GDE1: variants seen among roughly 807,000 people sequenced by gnomAD.
GDE1 encodes the protein glycerophosphodiester phosphodiesterase 1.
A neutral mutation model predicts 32.2 loss-of-function variants in GDE1; 24 were observed. The ratio of observed to expected loss-of-function variants is 0.75; its 90% CI spans 0.54 to 1.05. The LOEUF (loss-of-function observed/expected upper bound fraction) is 1.05. Ranked by LOEUF, GDE1 falls within the 50% of genes least tolerant of loss-of-function variation. The probability of loss-of-function intolerance (pLI) is 0.00; values close to 1 mark genes in which losing one functional copy is unlikely to be tolerated. For missense variants in GDE1, 380 were observed against 415.0 expected, an observed-to-expected ratio of 0.92 and a Z score of 0.73; for synonymous variants, 159 against 158.6, an observed-to-expected ratio of 1.00 and a Z score of -0.02.
Position 19,522,063 on chromosome 16 carries a change from A to G in GDE1, c.-99T>C, listed in dbSNP as rs1272908892. 5.4e-6 allele frequency: 7 copies of G among 1,286,788 alleles called. No homozygotes were observed. The East Asian group carries it at 1.0e-4, about 19-fold the overall frequency. 79.7% of individuals were successfully genotyped at this position (1,286,788 alleles called of 1,614,324 possible). A position where few individuals can be genotyped will look rare whatever the true frequency, so the allele number is the denominator to read the frequency against. ...GGGGAGGGTCCAAGGCACCGGCAGCAGCAGGAACCCTCTGAGGGGACCAGC... is the reference window on the plus strand; with the variant it reads ...GGGGAGGGTCCAAGGCACCGGCAGCGGCAGGAACCCTCTGAGGGGACCAGC... On this transcript the variant is annotated 5_prime_UTR_variant, in exon 1 of 6. Transcript: ENST00000353258.
chr16:19,511,092 T>G, intron 2 of GDE1, 148 bp from the exon 3 acceptor site: 1 of 484,308 alleles, frequency 2.1e-6, no homozygotes, highest in South Asian at 3.5e-5. Flanking sequence ...CCAAAGATAC[T>G]TTACTTTAAG....
intron 1 of GDE1, among the ~76,000 whole-genome samples, chr16:19,518,693 A>G (rs550577184): frequency 1.2e-4 from 19 of 152,344 alleles, no homozygotes; most frequent in African/African-American, 4.6e-4. Context: ...AACAACACAG[A>G]GCACTGTGCT....
intron 1 of GDE1, among the ~76,000 whole-genome samples, chr16:19,520,272 C>T (rs941397606): frequency 4.0e-5 from 6 of 151,880 alleles, no homozygotes; most frequent in Non-Finnish European, 8.8e-5. Context: ...CACGGTGGCT[C>T]ATGCCTGTAA....
In GDE1 at chr16:19,521,685, G is replaced by T. The variant is rs987708363; in HGVS notation, c.261+19C>A. The T allele has an allele frequency of 8.7e-6, 14 of 1,607,286 alleles. No individual in the cohort carries two copies. The highest frequency in any genetic ancestry group is 1.3e-5 in the African/African-American group (1 of 74,894). ...CGAGCTCTCGGGAGGACCGAGGGGCGCGAACGTGGGGGTCTCACCTGCCGA... is the reference window on the plus strand; with the variant it reads ...CGAGCTCTCGGGAGGACCGAGGGGCTCGAACGTGGGGGTCTCACCTGCCGA... On this transcript the variant is annotated intron_variant, in intron 1 of 5. Transcript: ENST00000353258.
At position 19,502,109 on chromosome 16, in the gene GDE1, T is replaced by A. The variant is rs144020066; in HGVS notation, c.*1361A>T. 4.1e-3 allele frequency: 631 copies of A among 152,312 alleles called. 6 individuals carry two copies. Among genetic ancestry groups the A allele is most frequent in the Non-Finnish European group, 6.8e-3 (464 of 68,032 alleles). 9.4% of individuals were successfully genotyped at this position (152,312 alleles called of 1,614,324 possible). On this transcript the variant is annotated 3_prime_UTR_variant, in exon 6 of 6. Coordinates refer to ENST00000353258, the MANE Select transcript of GDE1 (RefSeq NM_016641.4). ...AATTGGAAAGAGCAGTTTGGGGTCA[T>A]GGGCTCAACAATATAAAGGCAGATT...
chr16:19,514,781 A>G (rs1969359829), intron 2 of GDE1, among the ~76,000 whole-genome samples: 2 of 152,194 alleles, frequency 1.3e-5, no homozygotes, highest in South Asian at 4.1e-4. Flanking sequence ...AAGGGTAAGG[A>G]TAGGCCAGGT....
intron 1 of GDE1, among the ~76,000 whole-genome samples, chr16:19,520,294 C>A (rs1458063632): frequency 1.3e-5 from 2 of 150,878 alleles, no homozygotes; most frequent in African/African-American, 2.4e-5. Flanking sequence ...CGCAGCTACT[C>A]GGGAGGTTGA....
At chr16:19,509,545 C>T (rs930403629) in intron 3 of GDE1, among the ~76,000 whole-genome samples, 5 of 152,070 alleles carry the variant, frequency 3.3e-5, no homozygotes, top group South Asian at 2.1e-4. Flanking sequence ...AAAACCTAGA[C>T]GTATACAACT....
intron 3 of GDE1, among the ~76,000 whole-genome samples, chr16:19,509,244 T>C (rs1014367821): frequency 3.4e-4 from 51 of 151,972 alleles, no homozygotes; most frequent in African/African-American, 1.1e-3. Context: ...AGAGGTTGCA[T>C]TGAGCCGAGA....
At chr16:19,505,241 C>G in intron 4 of GDE1, 149 bp from the exon 5 acceptor site, 1 of 615,228 alleles carries the variant, frequency 1.6e-6, no homozygotes, top group Non-Finnish European at 2.9e-6. Flanking sequence ...CAATCATAAA[C>G]CCTTTGAGAA....
intron 5 of GDE1, chr16:19,504,392 GA>G (rs1232575335): frequency 6.3e-6 from 1 of 159,618 alleles, no homozygotes; most frequent in Non-Finnish European, 1.4e-5. Flanking sequence ...AATAATACTA[GA>G]CCTACAACTC....
chr16:19,515,555 T>G (rs555136433), intron 2 of GDE1, among the ~76,000 whole-genome samples: 1 of 152,284 alleles, frequency 6.6e-6, no homozygotes, highest in African/African-American at 2.4e-5. Flanking sequence ...ACCTGACATT[T>G]TATTAGCTGC....
chr16:19,521,959 C>A lies in GDE1; in HGVS notation c.6G>T (p.Trp2Cys), dbSNP rs866399210. 5 of 1,542,946 alleles carry A rather than the reference C, an allele frequency of 3.2e-6. No individual in the cohort carries two copies. The highest frequency in any genetic ancestry group is 4.4e-6 in the Non-Finnish European group (5 of 1,140,054). ...GGAGGCCGCCCTGGTCCTCCCACAG[C>A]CACATGCCGGCGCCCGCACCGGCAC... Reference protein sequence around the residue: MWLWEDQGGLLG... With the variant: MCLWEDQGGLLG... Residue 2 changes from tryptophan (W) to cysteine (C), a missense_variant, in exon 1 of 6, where the codon TGG (tryptophan) becomes TGT (cysteine). Physicochemically the swap from Trp to Cys is radical, Grantham distance 215. Transcript: ENST00000353258.
chr16:19,521,641 G>A, intron 1 of GDE1, 63 bp downstream of exon 1: 1 of 1,560,352 alleles, frequency 6.4e-7, no homozygotes, highest in East Asian at 2.3e-5. Context: ...GGGAACCCTG[G>A]GAAGGAAAAG....
chr16:19,522,076 TGA>T lies in GDE1; in HGVS notation c.-114_-113del. ...GGCACCGGCAGCAGCAGGAACCCTC[TGA>T]GGGGACCAGCGCCGCACAATGGCGG... On this transcript the variant is annotated 5_prime_UTR_variant, in exon 1 of 6. Transcript: ENST00000353258. The T allele has an allele frequency of 8.9e-7, 1 of 1,129,188 alleles. No homozygotes were observed. The highest frequency in any genetic ancestry group is 1.2e-6 in the Non-Finnish European group (1 of 817,544). 69.9% of individuals were successfully genotyped at this position (1,129,188 alleles called of 1,614,324 possible). A position where few individuals can be genotyped will look rare whatever the true frequency, so the allele number is the denominator to read the frequency against.
chr16:19,509,929 G>A (rs1969296098), intron 3 of GDE1, among the ~76,000 whole-genome samples: 1 of 152,034 alleles, frequency 6.6e-6, no homozygotes, highest in African/African-American at 2.4e-5. Context: ...GGGATTACAG[G>A]TGTGAGCCAC....
chr16:19,508,633 A>AT (rs11428352), intron 3 of GDE1, among the ~76,000 whole-genome samples: 23,878 of 151,690 alleles, frequency 0.16, 2,770 homozygotes, highest in East Asian at 0.39. Flanking sequence ...TATAGAAAGC[A>AT]TTTTTTTTTC....
At chr16:19,503,823 A>T in intron 5 of GDE1, 1 of 476,762 alleles carries the variant, frequency 2.1e-6, no homozygotes, top group Non-Finnish European at 3.8e-6. Context: ...AAAACATTTC[A>T]GTAGCTCACT....
At chr16:19,509,769 T>C (rs1420584985) in intron 3 of GDE1, among the ~76,000 whole-genome samples, 1 of 151,652 alleles carries the variant, frequency 6.6e-6, no homozygotes, top group African/African-American at 2.4e-5. Flanking sequence ...CAAGCGATTC[T>C]CCTGCCTCAG....
Sources: gnomAD v4.1 joint callset for allele counts (sites outside exome capture counted in the v4.1 genomes callset) on GRCh38, gnomAD v4.1.1 for gene constraint, MANE v1.5 for transcripts, NCBI Gene and HGNC (gene_info 2026-07-23, HGNC 2026-07-21) for gene names.